The following MED1 variants were observed in gnomAD, a reference collection of about 807,000 sequenced individuals.
MED1 encodes the protein mediator of RNA polymerase II transcription subunit 1.
A neutral mutation model predicts 121.3 loss-of-function variants in MED1; 17 were observed. That is an observed-to-expected ratio of 0.14 (90% confidence interval 0.10 to 0.21). The LOEUF (loss-of-function observed/expected upper bound fraction) is 0.21. Ranked by LOEUF, MED1 falls within the 10% of genes least tolerant of loss-of-function variation. MED1 has a pLI of 1.00. For synonymous variants in MED1, 661 were observed against 694.4 expected (o/e 0.95, Z 0.76); for missense variants, 1,558 against 1,919.4 (o/e 0.81, Z 3.52).
chr17:39,440,021 A>AAGGAAGGAAGGAAGGAAGGAAG lies in MED1; in HGVS notation c.399+364_399+365insCTTCCTTCCTTCCTTCCTTCCT, dbSNP rs1567652006. On this transcript the variant is annotated intron_variant, in intron 5 of 16. Transcript: ENST00000300651. The surrounding 1 kb of genome is among the most constrained non-coding windows in gnomAD (Gnocchi z 4.1). The stretch of plus-strand genomic sequence containing the variant: ...AGGAAGGAAGGAAGGAAGGAAGGAA[A>AAGGAAGGAAGGAAGGAAGGAAG]GAAAGAAAGAAAGAGAGAAAGAGAA... 5.4e-5 allele frequency among the ~76,000 whole-genome samples: 4 copies of AAGGAAGGAAGGAAGGAAGGAAG among 74,600 alleles called. No individual in the cohort carries two copies. Among genetic ancestry groups the AAGGAAGGAAGGAAGGAAGGAAG allele is most frequent in the East Asian group, 3.9e-4 (1 of 2,536 alleles). 48.9% of individuals were successfully genotyped at this position (74,600 alleles called of 152,430 possible).
chr17:39,413,413 C>T (rs967253962), intron 16 of MED1, among the ~76,000 whole-genome samples: 9 of 152,120 alleles, frequency 5.9e-5, no homozygotes, highest in African/African-American at 1.7e-4. Flanking sequence ...CAGACGGATA[C>T]CACCATGCTC....
At chr17:39,437,524 C>T (rs962545381) in intron 6 of MED1, among the ~76,000 whole-genome samples, 1 of 152,060 alleles carries the variant, frequency 6.6e-6, no homozygotes, top group African/African-American at 2.4e-5. Context: ...ATGCACCAGG[C>T]CACCCGGGAG....
Position 39,442,080 on chromosome 17 carries a change from ACGACAGAGTGAGACACT to A in MED1, c.212-1420_212-1404del, listed in dbSNP as rs139158598. ...ATCGTGCCACTGCACTCCAGCCTGG[ACGACAGAGTGAGACACT>A]GTCTCCAGAAAAAAAAAAAAAAACC... is the stretch of plus-strand genomic sequence containing the variant. On this transcript the variant is annotated intron_variant, in intron 3 of 16. Coordinates refer to ENST00000300651, the MANE Select transcript of MED1 (RefSeq NM_004774.4). Among the ~76,000 whole-genome samples, 1,350 of 149,092 alleles carry A rather than the reference ACGACAGAGTGAGACACT, an allele frequency of 9.1e-3. 16 individuals are homozygous for A. Among genetic ancestry groups the A allele is most frequent in the African/African-American group, 0.032 (1,275 of 40,460 alleles).
At chr17:39,420,306 T>C (rs984044453) in intron 13 of MED1, among the ~76,000 whole-genome samples, 17 of 151,490 alleles carry the variant, frequency 1.1e-4, no homozygotes, top group Middle Eastern at 3.4e-3. Flanking sequence ...TTCATGCCAT[T>C]CTCCTGCCTC....
intron 13 of MED1, among the ~76,000 whole-genome samples, chr17:39,422,863 C>CTT (rs372712559): frequency 0.25 from 24,929 of 98,916 alleles, 4,991 homozygotes; most frequent in South Asian, 0.37. Context: ...TCCGAGATTT[C>CTT]TTTTTTTTTT....
intron 16 of MED1, 136 bp from the exon 17 acceptor site, chr17:39,410,857 T>C (rs916658323): frequency 2.3e-6 from 3 of 1,284,604 alleles, no homozygotes; most frequent in African/African-American, 1.5e-5. Flanking sequence ...AAAATAGTTC[T>C]ATCAAATACC....
chr17:39,410,822 G>A, intron 16 of MED1, 101 bp from the exon 17 acceptor site: 1 of 1,474,216 alleles, frequency 6.8e-7, no homozygotes, highest in South Asian at 1.4e-5. Flanking sequence ...GCAGTTTTCA[G>A]GTAGGGCAAA....
rs1373489435 is a variant in MED1, at chr17:39,410,585, G to C, written c.1636C>G (p.Pro546Ala). 6.2e-7 allele frequency: 1 copy of C among 1,614,128 alleles called. No homozygotes were observed. Among genetic ancestry groups the C allele is most frequent in the Admixed American group, 1.7e-5 (1 of 60,006 alleles). ...TTGCCTGTGGTCATGCCATACCCTG[G>C]GCTGCTAGCCGGGGGCAGGTTCTTT... ...VKKNLPPASSPGYGMTTGNNP... is the reference protein window; with the variant it reads ...VKKNLPPASSAGYGMTTGNNP... The change falls in exon 17 of 17, where the codon CCA (proline) becomes GCA (alanine). Residue 546 changes from proline to alanine, a missense_variant. Pro to Ala is a conservative substitution (Grantham distance 27). Coordinates refer to ENST00000300651, the MANE Select transcript of MED1 (RefSeq NM_004774.4).
In MED1 at chr17:39,407,350, A is replaced by C; in HGVS notation, c.*125T>G. ...TCTAATTCACCCAGCTTGATGTCAA[A>C]GCCATGCCATTTAGGATTCTTAACC... On this transcript the variant is annotated 3_prime_UTR_variant, in exon 17 of 17. Coordinates refer to ENST00000300651, the MANE Select transcript of MED1 (RefSeq NM_004774.4). The C allele has an allele frequency of 7.0e-7, 1 of 1,430,692 alleles. No individual in the cohort carries two copies. Among genetic ancestry groups the C allele is most frequent in the Non-Finnish European group, 9.1e-7 (1 of 1,096,108 alleles). 88.6% of individuals were successfully genotyped at this position (1,430,692 alleles called of 1,614,324 possible). A position where few individuals can be genotyped will look rare whatever the true frequency, so the allele number is the denominator to read the frequency against.
rs1294084726 is a variant in MED1, at chr17:39,423,808, A to G, written c.865T>C (p.Ser289Pro). ...PVDNKWTPSF[S>P]SITSANSVDL... ...ACACTGTTGGCACTGGTGATTGAGG[A>G]GAAGGAAGGGGTCCTTCAAAAAAAA... Residue 289 changes from serine (S) to proline (P), a missense_variant, in exon 12 of 17, where the codon TCC becomes CCC. Coordinates refer to ENST00000300651, the MANE Select transcript of MED1 (RefSeq NM_004774.4). The G allele has an allele frequency of 6.2e-7, 1 of 1,611,480 alleles. No homozygotes were observed. Among genetic ancestry groups the G allele is most frequent in the Non-Finnish European group, 8.5e-7 (1 of 1,179,344 alleles).
At chr17:39,449,752 C>T (rs1436914020) in intron 1 of MED1, among the ~76,000 whole-genome samples, 8 of 151,166 alleles carry the variant, frequency 5.3e-5, no homozygotes, top group African/African-American at 1.7e-4. Context: ...TCAGGTGATC[C>T]GCCCACCTCA....
chr17:39,419,613 C>A (rs1188931255), intron 14 of MED1, 104 bp downstream of exon 14: 42 of 1,103,460 alleles, frequency 3.8e-5, no homozygotes, highest in Admixed American at 7.5e-5. Flanking sequence ...AAAAAAAAAA[C>A]TTTTTTTAAG....
At position 39,440,295 on chromosome 17, in the gene MED1, A is replaced by C; in HGVS notation, c.399+91T>G. 7.4e-7 allele frequency: 1 copy of C among 1,355,626 alleles called. No homozygotes were observed. The highest frequency in any genetic ancestry group is 9.9e-7 in the Non-Finnish European group (1 of 1,013,162). 84.0% of individuals were successfully genotyped at this position (1,355,626 alleles called of 1,614,324 possible). A position where few individuals can be genotyped will look rare whatever the true frequency, so the allele number is the denominator to read the frequency against. On this transcript the variant is annotated intron_variant, in intron 5 of 16. Transcript: ENST00000300651. This position sits in a 1 kb window ranked among gnomAD's most constrained non-coding sequence, Gnocchi z 4.1. ...TACAGTGGCTCATGGAAAAACCTAAACCCAAGCTATTTAAACCCCAACAAT... is the reference window on the plus strand; with the variant it reads ...TACAGTGGCTCATGGAAAAACCTAACCCCAAGCTATTTAAACCCCAACAAT...
Position 39,415,013 on chromosome 17 carries a change from G to C in MED1, c.1499+13C>G, listed in dbSNP as rs1448039401. On this transcript the variant is annotated intron_variant, in intron 16 of 16. Coordinates refer to ENST00000300651, the MANE Select transcript of MED1 (RefSeq NM_004774.4). ...CTCTAAATGGGACTCAGATGAAAAA[G>C]GGCCAAGGCTACCTTTGAACAACTT... 8 of 1,609,546 alleles carry C rather than the reference G, an allele frequency of 5.0e-6. No individual in the cohort carries two copies. The highest frequency in any genetic ancestry group is 1.7e-4 in the Middle Eastern group (1 of 6,050).
At position 39,408,271 on chromosome 17, in the gene MED1, C is replaced by T; in HGVS notation, c.3950G>A (p.Ser1317Asn). Residue 1317 changes from serine (S) to asparagine (N), a missense_variant, in exon 17 of 17, where the codon AGT becomes AAT. Coordinates refer to ENST00000300651, the MANE Select transcript of MED1 (RefSeq NM_004774.4). This position sits in a 1 kb window ranked among gnomAD's most constrained non-coding sequence, Gnocchi z 4.7. ...IDKLKHGVVT[S>N]GPGGEDPLDG... Reference sequence around the variant, plus strand: ...CAGTGGGTCTTCACCCCCAGGGCCACTGGTGACAACCCCATGCTTCAGTTT... The same window carrying T: ...CAGTGGGTCTTCACCCCCAGGGCCATTGGTGACAACCCCATGCTTCAGTTT... 1 of 1,614,158 alleles carries T rather than the reference C, an allele frequency of 6.2e-7. No individual in the cohort carries two copies. Among genetic ancestry groups the T allele is most frequent in the Non-Finnish European group, 8.5e-7 (1 of 1,180,046 alleles).
chr17:39,410,408 T>G lies in MED1; in HGVS notation c.1813A>C (p.Thr605Pro), dbSNP rs757145470. The G allele has an allele frequency of 1.2e-6, 2 of 1,613,910 alleles. No homozygotes were observed. The highest frequency in any genetic ancestry group is 2.7e-5 in the African/African-American group (2 of 74,854). The change falls in exon 17 of 17, where the codon ACC (threonine) becomes CCC (proline). Residue 605 changes from threonine to proline, a missense_variant. By Grantham distance (38) the Thr-to-Pro change is conservative. Around this residue, in one of 5 missense-constraint regions of MED1, gnomAD observed 793 missense variants for 898.2 expected, o/e 0.88. Coordinates refer to ENST00000300651, the MANE Select transcript of MED1 (RefSeq NM_004774.4). The part of the protein sequence containing the change: ...FSKVSQNPIL[T>P]SLLQITGNGG... ...TTCCCTGTGATTTGCAACAAACTGG[T>G]AAGAATTGGGTTCTGAGACACCTTG... is the stretch of plus-strand genomic sequence containing the variant.
Position 39,419,856 on chromosome 17 carries a change from T to G in MED1, c.1158A>C (p.Arg386=). 6.2e-7 allele frequency: 1 copy of G among 1,614,102 alleles called. No homozygotes were observed. Among genetic ancestry groups the G allele is most frequent in the Non-Finnish European group, 8.5e-7 (1 of 1,179,996 alleles). ...LNKDAPLPDG[R]SLQGTLVSKI... ...TGCTAACAAGGGTTCCCTGTAGACT[T>G]CGGCCATCTGGAAGAGGAGCATCCT... Residue 386 remains arginine (R), a synonymous_variant, in exon 14 of 17, where the codon CGA becomes CGC. Transcript: ENST00000300651.
chr17:39,427,621 T>G, intron 10 of MED1, 80 bp downstream of exon 10: 1 of 1,022,304 alleles, frequency 9.8e-7, no homozygotes, highest in South Asian at 1.4e-5. Flanking sequence ...AACAAACTCA[T>G]TAGAGAATAG....
In MED1 at chr17:39,404,617, G is replaced by C. The variant is rs2048288700; in HGVS notation, c.*2858C>G. The C allele has an allele frequency of 6.6e-6, 1 of 152,242 alleles. No individual in the cohort carries two copies. Among genetic ancestry groups the C allele is most frequent in the African/African-American group, 2.4e-5 (1 of 41,382 alleles). 9.4% of individuals were successfully genotyped at this position (152,242 alleles called of 1,614,324 possible). ...GGATAGAAATGTATGGGGGGCAGGG[G>C]AGGAGGGGAGAAGGAAAAAAAAATG... On this transcript the variant is annotated 3_prime_UTR_variant, in exon 17 of 17. Coordinates refer to ENST00000300651, the MANE Select transcript of MED1 (RefSeq NM_004774.4).
Sources: allele counts gnomAD v4.1 joint callset (sites outside exome capture counted in the v4.1 genomes callset), GRCh38; gene constraint gnomAD v4.1.1; regional missense constraint gnomAD v4.1.1; non-coding constraint Gnocchi (gnomAD v3.1); transcripts MANE v1.5; gene names NCBI Gene and HGNC (gene_info 2026-07-23, HGNC 2026-07-21).